The following RTN1 variants were observed in gnomAD, a reference collection of about 807,000 sequenced individuals.
The protein encoded by RTN1 is reticulon 1.
Under a neutral mutation model 65.5 loss-of-function variants are expected in RTN1, and 25 were observed. The observed-to-expected ratio is 0.38, with a 90% CI of 0.28 to 0.53. The LOEUF (loss-of-function observed/expected upper bound fraction) is 0.53. RTN1 is among the 20% of genes least tolerant of loss of function. RTN1 has a pLI of 0.79. For missense variants in RTN1, 983 were observed against 1,025.4 expected (o/e 0.96, Z 0.57); for synonymous variants, 471 against 447.6 (o/e 1.05, Z -0.66).
At chr14:59,867,680 G>A (rs944884596) in intron 1 of RTN1, among the ~76,000 whole-genome samples, 18 of 152,166 alleles carry the variant, frequency 1.2e-4, no homozygotes, top group Admixed American at 8.5e-4. Context: ...CAGATGGCAT[G>A]ATTGGTGATG....
At chr14:59,650,632 A>C (rs1042940456) in intron 3 of RTN1, among the ~76,000 whole-genome samples, 1 of 152,214 alleles carries the variant, frequency 6.6e-6, no homozygotes, top group Non-Finnish European at 1.5e-5. Context: ...CTGAGAGCCA[A>C]ATCAGGAAAG....
chr14:59,806,173 G>T (rs1248390968), intron 1 of RTN1, among the ~76,000 whole-genome samples: 1 of 151,816 alleles, frequency 6.6e-6, no homozygotes. Context: ...GAGGCGGAGG[G>T]TATAGTGAGC....
chr14:59,693,645 A>G (rs1884005677), intron 3 of RTN1, among the ~76,000 whole-genome samples: 1 of 152,220 alleles, frequency 6.6e-6, no homozygotes, highest in Non-Finnish European at 1.5e-5. Context: ...CACTTAGAAT[A>G]ATGGTCTCCA....
intron 3 of RTN1, among the ~76,000 whole-genome samples, chr14:59,637,418 T>A (rs543062665): frequency 2.0e-5 from 3 of 152,262 alleles, no homozygotes; most frequent in African/African-American, 7.2e-5. Context: ...AAGTCATCCA[T>A]AAAGATTGGA....
chr14:59,641,969 C>T (rs907820930), intron 3 of RTN1, among the ~76,000 whole-genome samples: 2 of 152,150 alleles, frequency 1.3e-5, no homozygotes, highest in African/African-American at 4.8e-5. Flanking sequence ...TCATACCATT[C>T]CTTCCATCTG....
intron 1 of RTN1, among the ~76,000 whole-genome samples, chr14:59,750,119 A>C: frequency 1.2e-5 from 1 of 86,056 alleles, no homozygotes; most frequent in Non-Finnish European, 2.1e-5. Context: ...TATATATAAT[A>C]TATATTATCT....
intron 1 of RTN1, among the ~76,000 whole-genome samples, chr14:59,864,166 G>A (rs1034498138): frequency 6.6e-6 from 1 of 152,056 alleles, no homozygotes; most frequent in African/African-American, 2.4e-5. Context: ...AATATTTAAA[G>A]CTGTTACAAG....
chr14:59,848,433 T>C (rs899582494), intron 1 of RTN1, among the ~76,000 whole-genome samples: 7 of 152,248 alleles, frequency 4.6e-5, no homozygotes, highest in African/African-American at 1.7e-4. Context: ...TAATCATAAC[T>C]GTCAAGAATT....
chr14:59,709,330 T>G (rs1401748072), intron 3 of RTN1, among the ~76,000 whole-genome samples: 1 of 152,214 alleles, frequency 6.6e-6, no homozygotes, highest in Non-Finnish European at 1.5e-5. Context: ...TGCATAATAA[T>G]CTATTTAAAA....
chr14:59,720,984 T>C (rs1884635129), intron 3 of RTN1, among the ~76,000 whole-genome samples: 1 of 151,794 alleles, frequency 6.6e-6, no homozygotes. Flanking sequence ...AGTGAACACA[T>C]ACAGGACTAG....
At chr14:59,742,904 G>A (rs998373619) in intron 2 of RTN1, among the ~76,000 whole-genome samples, 28 of 152,154 alleles carry the variant, frequency 1.8e-4, no homozygotes, top group Non-Finnish European at 3.1e-4. Context: ...CAGAAACCTC[G>A]CAGGATAAAA....
rs150382818 is a variant in RTN1, at chr14:59,735,180, C to T, written c.1016-7512G>A. ...AGAAATAAGATCCATTTCAGACAAG[C>T]GAATGCTGAGGGAATTAGTTATCAC... On this transcript the variant is annotated intron_variant, in intron 2 of 8. Coordinates refer to ENST00000267484, the MANE Select transcript of RTN1 (RefSeq NM_021136.3). Among the ~76,000 whole-genome samples, 35 of 152,228 alleles carry T rather than the reference C, an allele frequency of 2.3e-4. No individual in the cohort carries two copies. In the East Asian group the frequency reaches 5.2e-3, roughly 23 times the overall value.
At chr14:59,828,554 A>G (rs545970068) in intron 1 of RTN1, among the ~76,000 whole-genome samples, 2 of 152,294 alleles carry the variant, frequency 1.3e-5, no homozygotes, top group African/African-American at 4.8e-5. Context: ...GCAGACTTCT[A>G]TTTACATACC....
intron 3 of RTN1, among the ~76,000 whole-genome samples, chr14:59,711,424 G>T (rs1028860278): frequency 6.6e-6 from 1 of 152,056 alleles, no homozygotes; most frequent in Non-Finnish European, 1.5e-5. Flanking sequence ...AGTAATAGTA[G>T]GAGATCCACA....
chr14:59,647,208 C>T (rs994907484), intron 3 of RTN1, among the ~76,000 whole-genome samples: 2 of 152,082 alleles, frequency 1.3e-5, no homozygotes, highest in South Asian at 2.1e-4. Context: ...AAGACAAGAG[C>T]GTTACATAAT....
Position 59,726,976 on chromosome 14 carries a change from G to A in RTN1, c.1708C>T (p.Pro570Ser), listed in dbSNP as rs868447330. 3.1e-6 allele frequency: 5 copies of A among 1,613,294 alleles called. No individual in the cohort carries two copies. Among genetic ancestry groups the A allele is most frequent in the Non-Finnish European group, 4.2e-6 (5 of 1,179,686 alleles). Residue 570 changes from proline (P) to serine (S), a missense_variant, in exon 3 of 9, where the codon CCT (proline) becomes TCT (serine). Pro to Ser is a moderately conservative substitution (Grantham distance 74, BLOSUM62 -1). This residue lies in a region of RTN1 where 818 missense variants were observed against 801.8 expected (regional missense o/e 1.02). Transcript: ENST00000267484. The part of the protein sequence containing the change: ...SNQSPAATKG[P>S]GPLGPGAPPP... The stretch of plus-strand genomic sequence containing the variant: ...GGGGCGCCAGGACCTAGAGGCCCAG[G>A]GCCCTTTGTGGCCGCAGGACTTTGG...
intron 1 of RTN1, among the ~76,000 whole-genome samples, chr14:59,793,293 C>T (rs979311958): frequency 4.6e-5 from 7 of 152,112 alleles, no homozygotes; most frequent in South Asian, 4.1e-4. Flanking sequence ...GTATTCATCC[C>T]GGGACAGAAG....
Position 59,603,109 on chromosome 14 carries a change from T to C in RTN1, c.2244A>G (p.Gln748=). ...VYVKHQAQID[Q]YLGLVRTHIN... The stretch of plus-strand genomic sequence containing the variant: ...TGTGAGTCCTCACAAGTCCCAGATA[T>C]TGGTCAATCTGTGCCTACATAAAGA... Residue 748 remains glutamine, a synonymous_variant, in exon 8 of 9, where the codon CAA becomes CAG. Transcript: ENST00000267484. The C allele has an allele frequency of 6.2e-7, 1 of 1,613,464 alleles. No homozygotes were observed. The highest frequency in any genetic ancestry group is 8.5e-7 in the Non-Finnish European group (1 of 1,179,740).
intron 1 of RTN1, among the ~76,000 whole-genome samples, chr14:59,813,387 AG>A (rs1270071126): frequency 6.6e-6 from 1 of 152,216 alleles, no homozygotes; most frequent in Non-Finnish European, 1.5e-5. Context: ...AAAGTCATCA[AG>A]GGAAATAAAG....
Sources: allele counts gnomAD v4.1 joint callset (sites outside exome capture counted in the v4.1 genomes callset), GRCh38; gene constraint gnomAD v4.1.1; regional missense constraint gnomAD v4.1.1; transcripts MANE v1.5; gene names NCBI Gene and HGNC (gene_info 2026-07-23, HGNC 2026-07-21).